Variants in GRAMD4 observed in about 807,000 individuals in gnomAD.
GRAMD4 encodes GRAM domain containing 4, also known as GRAM domain-containing protein 4.
In GRAMD4, 25 loss-of-function variants were observed where a neutral mutation model predicts 83.9. That is an observed-to-expected ratio of 0.30 (90% CI 0.22 to 0.42). The LOEUF is 0.42. Among genes scored for constraint, GRAMD4 ranks in the 10% least tolerant of loss-of-function variants. GRAMD4 has a pLI of 1.00. For missense variants in GRAMD4, 593 were observed against 788.7 expected, an observed-to-expected ratio of 0.75 and a Z score of 2.97; for synonymous variants, 336 against 320.9, an observed-to-expected ratio of 1.05 and a Z score of -0.50.
intron 2 of GRAMD4, among the ~76,000 whole-genome samples, chr22:46,631,925 T>C: frequency 1.8e-5 from 2 of 110,570 alleles, no homozygotes; most frequent in African/African-American, 3.7e-5. Context: ...CTGTGTCCTT[T>C]CGTCTCCTGG....
chr22:46,635,090 G>A (rs933499436), intron 2 of GRAMD4, among the ~76,000 whole-genome samples: 12 of 117,186 alleles, frequency 1.0e-4, no homozygotes, highest in Admixed American at 5.7e-4. Flanking sequence ...TTGGGGAGCC[G>A]TGTCCTCCCT....
intron 1 of GRAMD4, among the ~76,000 whole-genome samples, chr22:46,577,961 G>T (rs551029332): frequency 6.6e-6 from 1 of 152,318 alleles, no homozygotes; most frequent in South Asian, 2.1e-4. Flanking sequence ...CCCCTGCCAG[G>T]TCCTGGACAA....
rs531598858 is a variant in GRAMD4, at chr22:46,633,596, C to G, written c.163-4244C>G. 2.2e-4 allele frequency among the ~76,000 whole-genome samples: 34 copies of G among 152,364 alleles called. 1 individual carries two copies. In the South Asian group the frequency reaches 6.4e-3, roughly 29 times the overall value. On this transcript the variant is annotated intron_variant, in intron 2 of 18. Coordinates refer to ENST00000406902, the MANE Select transcript of GRAMD4 (RefSeq NM_015124.5). Reference sequence around the variant, plus strand: ...CCTGCTTTCTCCGTGGGTTGGCGTCCTTGCTGCTGCTGCCAACGGGAGTCC... The same window carrying G: ...CCTGCTTTCTCCGTGGGTTGGCGTCGTTGCTGCTGCTGCCAACGGGAGTCC...
At position 46,639,202 on chromosome 22, in the gene GRAMD4, CTG is replaced by C. The variant is rs2081937249; in HGVS notation, c.283+1246_283+1247del. Among the ~76,000 whole-genome samples, 3 of 146,078 alleles carry C rather than the reference CTG, an allele frequency of 2.1e-5. 1 individual carries two copies. The highest frequency in any genetic ancestry group is 2.1e-4 in the East Asian group (1 of 4,720). On this transcript the variant is annotated intron_variant, in intron 3 of 18. Coordinates refer to ENST00000406902, the MANE Select transcript of GRAMD4 (RefSeq NM_015124.5). ...TGTGTATGTACAGTGGTGGTTAACTCTGTGTATGCATGTGTGTGAGTAGTTAA... is the reference window on the plus strand; with the variant it reads ...TGTGTATGTACAGTGGTGGTTAACTCTGTATGCATGTGTGTGAGTAGTTAA...
At chr22:46,652,305 G>C (rs1861740) in intron 3 of GRAMD4, among the ~76,000 whole-genome samples, 1 of 152,036 alleles carries the variant, frequency 6.6e-6, no homozygotes, top group African/African-American at 2.4e-5. Context: ...CCTGGGGGCC[G>C]CAAGCCAAGG....
chr22:46,668,210 A>G (rs1167447384), intron 11 of GRAMD4, 43 bp downstream of exon 11: 3 of 1,402,360 alleles, frequency 2.1e-6, no homozygotes, highest in Admixed American at 1.7e-5. Flanking sequence ...TGCGCCAGCC[A>G]TGGGCACCAG....
chr22:46,669,479 G>A (rs1327658577), intron 13 of GRAMD4, among the ~76,000 whole-genome samples: 2 of 152,042 alleles, frequency 1.3e-5, no homozygotes, highest in Non-Finnish European at 2.9e-5. Context: ...ATCCACTGCT[G>A]CCCAGCATGC....
downstream of GRAMD4, chr22:46,679,827 G>A (rs943161227): frequency 1.0e-5 from 10 of 982,224 alleles, no homozygotes; most frequent in African/African-American, 1.7e-5. Flanking sequence ...CACACGCATT[G>A]TAGGCGGCCT....
chr22:46,597,928 CACT>C, intron 1 of GRAMD4, among the ~76,000 whole-genome samples: 1 of 152,210 alleles, frequency 6.6e-6, no homozygotes, highest in East Asian at 1.9e-4. Flanking sequence ...GCCTTTAGAG[CACT>C]GTACAAGGTG....
intron 10 of GRAMD4, 58 bp downstream of exon 10, chr22:46,666,931 C>T (rs375443260): frequency 1.6e-6 from 2 of 1,262,492 alleles, no homozygotes; most frequent in African/African-American, 1.5e-5. Context: ...TCAGGCCTCA[C>T]AGCCTGTAGG....
At chr22:46,665,479 C>T (rs979907739) in intron 8 of GRAMD4, 136 bp from the exon 9 acceptor site, 8 of 605,378 alleles carry the variant, frequency 1.3e-5, no homozygotes, top group Admixed American at 2.6e-5. Context: ...GACGCACCCT[C>T]ATCCCTGAGT....
In GRAMD4 at chr22:46,644,259, G is replaced by A. The variant is rs537493158; in HGVS notation, c.283+6299G>A. ...TCCGTGTTACAACTGTCCCTGTTCC[G>A]TATTACATCTGTCCCTGTTCCATGT... On this transcript the variant is annotated intron_variant, in intron 3 of 18. Transcript: ENST00000406902. Among the ~76,000 whole-genome samples, 151 of 151,240 alleles carry A rather than the reference G, an allele frequency of 1.0e-3. 1 individual carries two copies. In the South Asian group the frequency reaches 0.011, roughly 11 times the overall value.
downstream of GRAMD4, among the ~76,000 whole-genome samples, chr22:46,680,543 TGTCCGTCCGTCCGTCC>T (rs531762294): frequency 1.4e-5 from 1 of 70,510 alleles, no homozygotes; most frequent in African/African-American, 6.1e-5. Flanking sequence ...CATCCACATC[TGTCCGTCCGTCCGTCC>T]GTCCGTCCAT....
At chr22:46,663,399 C>T (rs2082360017) in intron 6 of GRAMD4, among the ~76,000 whole-genome samples, 1 of 152,238 alleles carries the variant, frequency 6.6e-6, no homozygotes, top group Admixed American at 6.5e-5. Flanking sequence ...CTGCTCTCAG[C>T]TGTGGCTTGT....
chr22:46,675,444 C>A, intron 16 of GRAMD4, 24 bp from the exon 17 acceptor site: 1 of 1,563,472 alleles, frequency 6.4e-7, no homozygotes, highest in Non-Finnish European at 8.8e-7. Flanking sequence ...AGCCAGGCGA[C>A]GCCTCTGTCC....
Position 46,678,196 on chromosome 22 carries a change from A to C in GRAMD4, c.*945A>C. The C allele has an allele frequency of 1.0e-6, 1 of 985,190 alleles. No individual in the cohort carries two copies. The allele number at this position is 985,190 out of a possible 1,614,324, so 61.0% of individuals were successfully genotyped here. On this transcript the variant is annotated 3_prime_UTR_variant, in exon 19 of 19. Transcript: ENST00000406902. ...GTTGCCTGGGTTGGTTGGGGGAGGA[A>C]GTGGGGAGGAGTGTTCCGGGACCAT... is the stretch of plus-strand genomic sequence containing the variant.
At chr22:46,577,827 C>T (rs1353314591) in intron 1 of GRAMD4, among the ~76,000 whole-genome samples, 6 of 152,242 alleles carry the variant, frequency 3.9e-5, no homozygotes, top group African/African-American at 1.4e-4. Context: ...ATGTTGAGCT[C>T]ATGGGGCTCT....
upstream of GRAMD4, among the ~76,000 whole-genome samples, chr22:46,618,344 G>A (rs2081530339): frequency 6.6e-6 from 1 of 152,154 alleles, no homozygotes; most frequent in African/African-American, 2.4e-5. The surrounding 1 kb of genome is among the most constrained non-coding windows in gnomAD (Gnocchi z 5.8). Context: ...AGCCATCAGG[G>A]CAATCCAAGG....
chr22:46,629,145 A>G (rs1453742415), intron 2 of GRAMD4, among the ~76,000 whole-genome samples: 2 of 152,018 alleles, frequency 1.3e-5, no homozygotes, highest in African/African-American at 4.8e-5. Context: ...GGAGATTCCT[A>G]GTGTGGGTGA....
Sources: allele counts gnomAD v4.1 joint callset (sites outside exome capture counted in the v4.1 genomes callset), GRCh38; gene constraint gnomAD v4.1.1; non-coding constraint Gnocchi (gnomAD v3.1); transcripts MANE v1.5; gene names NCBI Gene and HGNC (gene_info 2026-07-23, HGNC 2026-07-21).